TMEM229B: variants seen among roughly 807,000 people sequenced by gnomAD.
TMEM229B encodes the protein transmembrane protein 229B.
A neutral mutation model predicts 13.7 loss-of-function variants in TMEM229B; 6 were observed. The ratio of observed to expected loss-of-function variants is 0.44; its 90% CI spans 0.24 to 0.86. The LOEUF (loss-of-function observed/expected upper bound fraction) is 0.86. Among genes scored for constraint, TMEM229B ranks in the 40% least tolerant of loss-of-function variants. TMEM229B has a pLI of 0.23. For synonymous variants in TMEM229B, 107 were observed against 102.1 expected, an observed-to-expected ratio of 1.05 and a Z score of -0.29; for missense variants, 170 against 236.0, an observed-to-expected ratio of 0.72 and a Z score of 1.83.
upstream of TMEM229B, among the ~76,000 whole-genome samples, chr14:67,516,880 G>T (rs1001905019): frequency 6.6e-6 from 1 of 152,180 alleles, no homozygotes; most frequent in African/African-American, 2.4e-5. Context: ...AGACAGCCAC[G>T]TGCTACCAGT....
In TMEM229B at chr14:67,528,648, C is replaced by T. The variant is rs2140283124; in HGVS notation, c.-192+4988G>A. On this transcript the variant is annotated intron_variant, in intron 1 of 2. Coordinates refer to the TMEM229B transcript ENST00000554278. ...CCAGCTCCCAACTCAGGTGCTCTTT[C>T]TCCCTCCCTCTCCTGTCCCTATCCC... Among the ~76,000 whole-genome samples the T allele has an allele frequency of 1.3e-5, 2 of 152,318 alleles. 1 individual carries two copies. The highest frequency in any genetic ancestry group is 4.1e-4 in the South Asian group (2 of 4,826).
At chr14:67,480,846 T>C (rs1356199228) in intron 2 of TMEM229B, among the ~76,000 whole-genome samples, 2 of 152,068 alleles carry the variant, frequency 1.3e-5, no homozygotes, top group Non-Finnish European at 2.9e-5. Flanking sequence ...CCCAGACCGG[T>C]TTCCCAGCTG....
chr14:67,485,385 G>A (rs1157720621), intron 2 of TMEM229B, among the ~76,000 whole-genome samples: 3 of 152,168 alleles, frequency 2.0e-5, no homozygotes, highest in African/African-American at 7.2e-5. Context: ...CAGGCTGAGT[G>A]GAAAACAGAT....
At chr14:67,516,522 C>A (rs1450756444), upstream of TMEM229B, among the ~76,000 whole-genome samples, 1 of 152,184 alleles carries the variant, frequency 6.6e-6, no homozygotes, top group Non-Finnish European at 1.5e-5. Flanking sequence ...AGAAAAGGAA[C>A]CTATGGTTCA....
At chr14:67,523,072 C>T (rs1050035604) in intron 1 of TMEM229B, among the ~76,000 whole-genome samples, 1 of 152,152 alleles carries the variant, frequency 6.6e-6, no homozygotes, top group African/African-American at 2.4e-5. Context: ...TGCCTATAAT[C>T]CCAGCACTTT....
At chr14:67,483,187 T>G (rs1008410421) in intron 2 of TMEM229B, among the ~76,000 whole-genome samples, 1 of 152,094 alleles carries the variant, frequency 6.6e-6, no homozygotes, top group African/African-American at 2.4e-5. Context: ...ATTTTTGTAT[T>G]TTTAGTAAAG....
chr14:67,521,850 G>T (rs1057078045), intron 1 of TMEM229B, among the ~76,000 whole-genome samples: 1 of 152,156 alleles, frequency 6.6e-6, no homozygotes, highest in East Asian at 1.9e-4. Context: ...AACTGTGATC[G>T]TAAGTCTTTT....
intron 1 of TMEM229B, among the ~76,000 whole-genome samples, chr14:67,496,344 T>C (rs10137288): frequency 0.88 from 132,161 of 149,378 alleles, 59,240 homozygotes; most frequent in Non-Finnish European, 0.95. Context: ...CCACCCATCT[T>C]GGCCTCCCAA....
chr14:67,489,018 T>A (rs893323341), upstream of TMEM229B, among the ~76,000 whole-genome samples: 2 of 151,836 alleles, frequency 1.3e-5, no homozygotes, highest in African/African-American at 4.8e-5. Flanking sequence ...CAAGAGTAGA[T>A]CCCAGGGGAC....
intron 1 of TMEM229B, among the ~76,000 whole-genome samples, chr14:67,528,152 C>T (rs2033395487): frequency 6.6e-6 from 1 of 152,200 alleles, no homozygotes; most frequent in Non-Finnish European, 1.5e-5. Flanking sequence ...TTTCTCTTGG[C>T]TTGGGTCTGT....
intron 2 of TMEM229B, among the ~76,000 whole-genome samples, chr14:67,476,312 C>T (rs963657084): frequency 3.3e-5 from 5 of 152,186 alleles, no homozygotes; most frequent in Non-Finnish European, 7.3e-5. Context: ...TCAGGCTGGG[C>T]GCAGTGGCTC....
chr14:67,495,234 T>C (rs1371449128), intron 1 of TMEM229B, among the ~76,000 whole-genome samples: 1 of 152,064 alleles, frequency 6.6e-6, no homozygotes, highest in Non-Finnish European at 1.5e-5. Context: ...GCCTGCCAAA[T>C]CCCTCCTGGA....
At chr14:67,491,901 CT>C (rs1187372811), upstream of TMEM229B, among the ~76,000 whole-genome samples, 1 of 152,226 alleles carries the variant, frequency 6.6e-6, no homozygotes, top group Admixed American at 6.5e-5. Context: ...CCGCGGGGGC[CT>C]GCCTGGCATG....
rs190399760 is a variant in TMEM229B, at chr14:67,482,629, G to A, written c.-19+4371C>T. Among the ~76,000 whole-genome samples, 6 of 152,342 alleles carry A rather than the reference G, an allele frequency of 3.9e-5. No homozygotes were observed. The East Asian group carries it at 7.7e-4, about 20-fold the overall frequency. On this transcript the variant is annotated intron_variant, in intron 2 of 2. Coordinates refer to ENST00000554480, the MANE Select transcript of TMEM229B (RefSeq NM_001348543.2). ...GGGACAGCTTCAGGAGCCCTTGGGC[G>A]GCTCTGTGCTGAAGATAAGTGGCTT...
intron 2 of TMEM229B, among the ~76,000 whole-genome samples, chr14:67,481,218 G>A (rs1028816262): frequency 2.6e-5 from 4 of 152,170 alleles, no homozygotes; most frequent in African/African-American, 9.7e-5. Flanking sequence ...AAGAGTTTGA[G>A]GCTACAGTGA....
At chr14:67,531,910 CAA>C (rs5809352) in intron 1 of TMEM229B, among the ~76,000 whole-genome samples, 9,718 of 79,526 alleles carry the variant, frequency 0.12, 452 homozygotes, top group Middle Eastern at 0.22. Context: ...AACCTATGTC[CAA>C]AAAAAAAAAA....
At chr14:67,520,996 A>T (rs2033283640) in intron 1 of TMEM229B, among the ~76,000 whole-genome samples, 1 of 152,190 alleles carries the variant, frequency 6.6e-6, no homozygotes, top group Admixed American at 6.5e-5. Flanking sequence ...CATTTGGGCC[A>T]TTATAATTGG....
intron 2 of TMEM229B, among the ~76,000 whole-genome samples, chr14:67,480,893 C>T (rs2031545423): frequency 6.6e-6 from 1 of 152,178 alleles, no homozygotes; most frequent in African/African-American, 2.4e-5. Flanking sequence ...TCCCCAACCC[C>T]AGCAAGTAAC....
rs8012437 is a variant in TMEM229B at position 67,483,317 on chromosome 14, A to C, written c.-19+3683T>G. The stretch of plus-strand genomic sequence containing the variant: ...CGAGTCACCACACCTGGCCGAGCCT[A>C]CATTCTAATAACTATAAAAGGCAAG... On this transcript the variant is annotated intron_variant, in intron 2 of 2. Transcript: ENST00000554480. 1.1e-3 allele frequency among the ~76,000 whole-genome samples: 170 copies of C among 152,304 alleles called. 2 individuals carry two copies. The highest frequency in any genetic ancestry group is 1.5e-3 in the Non-Finnish European group (99 of 68,032).
Sources: gnomAD v4.1 joint callset for allele counts (sites outside exome capture counted in the v4.1 genomes callset) on GRCh38, gnomAD v4.1.1 for gene constraint, MANE v1.5 for transcripts, NCBI Gene and HGNC (gene_info 2026-07-23, HGNC 2026-07-21) for gene names.